CCDC30: variants seen among roughly 807,000 people sequenced by gnomAD.
CCDC30 encodes coiled-coil domain containing 30.
Under a neutral mutation model 100.2 loss-of-function variants are expected in CCDC30, and 70 were observed. That is an observed-to-expected ratio of 0.70 (90% confidence interval 0.58 to 0.85). The LOEUF (loss-of-function observed/expected upper bound fraction) is 0.85. Among genes scored for constraint, CCDC30 ranks in the 40% least tolerant of loss-of-function variants. The probability of loss-of-function intolerance (pLI) is 0.00; values close to 1 mark genes in which losing one functional copy is unlikely to be tolerated. For missense variants in CCDC30, 652 were observed against 771.2 expected, an observed-to-expected ratio of 0.85 and a Z score of 1.83; for synonymous variants, 233 against 269.5, an observed-to-expected ratio of 0.86 and a Z score of 1.33.
upstream of CCDC30, among the ~76,000 whole-genome samples, chr1:42,461,690 G>A (rs1372118364): frequency 2.0e-5 from 3 of 152,004 alleles, no homozygotes; most frequent in Non-Finnish European, 4.4e-5. Context: ...GGGACTACAG[G>A]CGCCCGCCAC....
chr1:42,459,661 A>G (rs762812496), upstream of CCDC30: 4 of 1,614,166 alleles, frequency 2.5e-6, no homozygotes, highest in Non-Finnish European at 3.4e-6. Flanking sequence ...TGGGCTCCCA[A>G]AGCATTTATA....
At chr1:42,533,888 C>G (rs187620975) in intron 6 of CCDC30, 2 of 152,224 alleles carry the variant, frequency 1.3e-5, no homozygotes, top group African/African-American at 4.8e-5. Context: ...TACACCATCT[C>G]CAGAGTCGTT....
chr1:42,538,259 G>T (rs1343042342), intron 6 of CCDC30, among the ~76,000 whole-genome samples: 1 of 151,410 alleles, frequency 6.6e-6, no homozygotes, highest in Admixed American at 6.6e-5. Context: ...GAGCCCAGGA[G>T]GTCAAGGCTT....
intron 9 of CCDC30, among the ~76,000 whole-genome samples, chr1:42,582,919 G>T (rs549354678): frequency 1.5e-3 from 230 of 152,300 alleles, no homozygotes; most frequent in Middle Eastern, 3.4e-3. Context: ...TAATCTGAAT[G>T]CAACAGTTTT....
chr1:42,630,231 T>A (rs1647011398), intron 11 of CCDC30, among the ~76,000 whole-genome samples: 1 of 152,102 alleles, frequency 6.6e-6, no homozygotes, highest in South Asian at 2.1e-4. Context: ...CACTTTGGCC[T>A]CCGAAAGTGT....
chr1:42,553,547 T>C (rs144088242), intron 6 of CCDC30, among the ~76,000 whole-genome samples: 4 of 151,800 alleles, frequency 2.6e-5, no homozygotes, highest in African/African-American at 7.3e-5. Context: ...TCCCAGCAAC[T>C]CAGGAGGCTG....
chr1:42,462,856 G>C (rs964411773), upstream of CCDC30, among the ~76,000 whole-genome samples: 13 of 152,270 alleles, frequency 8.5e-5, no homozygotes, highest in Non-Finnish European at 1.8e-4. Flanking sequence ...CAAAAATTGT[G>C]ATTTATCTTA....
intron 6 of CCDC30, among the ~76,000 whole-genome samples, chr1:42,520,959 T>C (rs1644633228): frequency 7.0e-6 from 1 of 143,082 alleles, no homozygotes; most frequent in African/African-American, 2.5e-5. Context: ...CAGCCTCATC[T>C]TTAAGTATTT....
intron 6 of CCDC30, chr1:42,510,114 C>A (rs1644453967): frequency 1.0e-6 from 1 of 985,210 alleles, no homozygotes; most frequent in African/African-American, 1.7e-5. Context: ...AGAACCAGGG[C>A]ATCTGGAAGT....
intron 6 of CCDC30, among the ~76,000 whole-genome samples, chr1:42,528,010 T>A (rs1430866016): frequency 6.6e-6 from 1 of 152,036 alleles, no homozygotes; most frequent in Non-Finnish European, 1.5e-5. Flanking sequence ...GGATTACAGG[T>A]GCCCACCACC....
At chr1:42,462,991 C>T (rs1049193721), upstream of CCDC30, among the ~76,000 whole-genome samples, 2 of 152,146 alleles carry the variant, frequency 1.3e-5, no homozygotes, top group African/African-American at 4.8e-5. Flanking sequence ...TAGGCAGGGG[C>T]TCCAGCTGAG....
At chr1:42,584,215 A>C (rs2809655) in intron 9 of CCDC30, among the ~76,000 whole-genome samples, 85,404 of 152,052 alleles carry the variant, frequency 0.56, 24,287 homozygotes, top group East Asian at 0.81. Flanking sequence ...CACAGAAGGA[A>C]TTCTGGGAAA....
At chr1:42,566,526 A>G (rs1236497623) in intron 7 of CCDC30, 51 bp downstream of exon 11, 2 of 1,454,516 alleles carry the variant, frequency 1.4e-6, no homozygotes, top group East Asian at 2.3e-5. Flanking sequence ...TGGCCCTGGG[A>G]ATAAACGAAT....
intron 10 of CCDC30, among the ~76,000 whole-genome samples, chr1:42,610,375 C>T (rs1277243040): frequency 1.3e-5 from 2 of 152,130 alleles, no homozygotes; most frequent in Non-Finnish European, 2.9e-5. Flanking sequence ...CTGAAGAGAA[C>T]AGCTTTCACT....
chr1:42,637,981 G>C (rs1647191860), intron 12 of CCDC30, among the ~76,000 whole-genome samples: 1 of 152,146 alleles, frequency 6.6e-6, no homozygotes, highest in Non-Finnish European at 1.5e-5. Context: ...AGCCCTTTCA[G>C]AATATTGAGA....
At chr1:42,543,385 G>A (rs1297422133) in intron 6 of CCDC30, among the ~76,000 whole-genome samples, 1 of 151,148 alleles carries the variant, frequency 6.6e-6, no homozygotes. Flanking sequence ...GCTGTGGCAC[G>A]ATCTTGGCTC....
chr1:42,501,990 A>G (rs1385454483), intron 6 of CCDC30, among the ~76,000 whole-genome samples: 3 of 152,220 alleles, frequency 2.0e-5, no homozygotes, highest in Non-Finnish European at 4.4e-5. Context: ...GCTGTCAGAC[A>G]GGGACGTTTA....
chr1:42,498,750 AAAAC>A, intron 5 of CCDC30, 64 bp from the exon 6 acceptor site: 2 of 724,010 alleles, frequency 2.8e-6, no homozygotes, highest in Non-Finnish European at 3.8e-6. Flanking sequence ...GTATAATTAA[AAAAC>A]AAAACAATAA....
upstream of CCDC30, among the ~76,000 whole-genome samples, chr1:42,461,182 GTGTC>G (rs1465369333): frequency 2.6e-5 from 4 of 152,316 alleles, no homozygotes; most frequent in South Asian, 2.1e-4. Flanking sequence ...GGTAGCCCCT[GTGTC>G]TGTCTGATAA....
Sources: allele counts gnomAD v4.1 joint callset (sites outside exome capture counted in the v4.1 genomes callset), GRCh38; gene constraint gnomAD v4.1.1; transcripts MANE v1.5; gene names NCBI Gene and HGNC (gene_info 2026-07-23, HGNC 2026-07-21).